The following FAM76B variants were observed in gnomAD, a reference collection of about 807,000 sequenced individuals.
FAM76B encodes protein FAM76B.
FAM76B carries 16 observed loss-of-function variants against 51.8 expected under a neutral mutation model. The ratio of observed to expected loss-of-function variants is 0.31; its 90% confidence interval spans 0.21 to 0.47. The LOEUF (loss-of-function observed/expected upper bound fraction) is 0.47. Among genes scored for constraint, FAM76B ranks in the 20% least tolerant of loss-of-function variants. The pLI is 1.00. For synonymous variants in FAM76B, 166 were observed against 129.5 expected, an observed-to-expected ratio of 1.28 and a Z score of -1.91; for missense variants, 342 against 392.6, an observed-to-expected ratio of 0.87 and a Z score of 1.09.
chr11:95,788,160 TTG>T (rs1860707143), intron 2 of FAM76B, among the ~76,000 whole-genome samples: 4 of 152,254 alleles, frequency 2.6e-5, no homozygotes, highest in Non-Finnish European at 4.4e-5. Context: ...TGGAAGGCAG[TTG>T]GTAACACTAC....
At chr11:95,780,281 A>G (rs995213274) in intron 5 of FAM76B, among the ~76,000 whole-genome samples, 11 of 151,900 alleles carry the variant, frequency 7.2e-5, no homozygotes, top group Non-Finnish European at 1.6e-4. Flanking sequence ...CAAAATTTGT[A>G]TCTTTAAAGT....
chr11:95,786,250 T>A lies in FAM76B; in HGVS notation c.232A>T (p.Ile78Leu), dbSNP rs1198661444. 6.2e-7 allele frequency: 1 copy of A among 1,614,154 alleles called. No homozygotes were observed. Among genetic ancestry groups the A allele is most frequent in the South Asian group, 1.1e-5 (1 of 91,082 alleles). ...GTPKPCQYCN[I>L]IAAFIGTKCQ... ...TTGGTACCAATAAATGCTGCAATTA[T>A]GTTACAGTACTGACAAGGCTTGGGC... Residue 78 changes from isoleucine to leucine, a missense_variant, in exon 4 of 10, where the codon ATA becomes TTA. Transcript: ENST00000358780.
At chr11:95,786,391 T>G in intron 3 of FAM76B, 117 bp from the exon 4 acceptor site, 1 of 1,252,810 alleles carries the variant, frequency 8.0e-7, no homozygotes, top group African/African-American at 1.5e-5. Context: ...AAAATTTGTT[T>G]TCTGTCAAGT....
intron 1 of FAM76B, 193 bp downstream of exon 1, chr11:95,789,199 C>T (rs1860822984): frequency 2.0e-6 from 2 of 977,554 alleles, no homozygotes; most frequent in East Asian, 2.6e-5. Context: ...ACGATTCTGC[C>T]TCCCTTTCAG....
In FAM76B at chr11:95,771,482, ACACAGAATTTAAGGGCTT is replaced by A; in HGVS notation, c.*61_*78del. On this transcript the variant is annotated 3_prime_UTR_variant, in exon 10 of 10. Coordinates refer to ENST00000358780, the MANE Select transcript of FAM76B (RefSeq NM_144664.5). ...TGGTGTGCAAAAATATTTTTCTACT[ACACAGAATTTAAGGGCTT>A]CACAGAATTTTTTTTCCCCAAATTT... The A allele has an allele frequency of 9.0e-7, 1 of 1,108,820 alleles. No individual in the cohort carries two copies. The highest frequency in any genetic ancestry group is 1.3e-6 in the Non-Finnish European group (1 of 750,172). 68.7% of individuals were successfully genotyped at this position (1,108,820 alleles called of 1,614,324 possible).
intron 1 of FAM76B, chr11:95,788,902 G>A (rs747380506): frequency 2.2e-6 from 3 of 1,358,126 alleles, no homozygotes; most frequent in South Asian, 1.2e-5. Flanking sequence ...GATGGGAGGA[G>A]CTCCAAATCA....
At chr11:95,788,139 G>T (rs1467572632) in intron 2 of FAM76B, among the ~76,000 whole-genome samples, 7 of 152,150 alleles carry the variant, frequency 4.6e-5, no homozygotes. Context: ...CAAATTATTA[G>T]ATTTTCACCT....
At chr11:95,779,461 A>C in intron 7 of FAM76B, 146 bp downstream of exon 7, 2 of 723,022 alleles carry the variant, frequency 2.8e-6, no homozygotes, top group Non-Finnish European at 4.2e-6. Context: ...TAAAAATTTT[A>C]AACTAATTTA....
chr11:95,789,176 C>G (rs1453405490), intron 1 of FAM76B: 18 of 1,070,610 alleles, frequency 1.7e-5, no homozygotes, highest in Non-Finnish European at 2.3e-5. Context: ...TCCTGGGCCG[C>G]CTGGAAAAGG....
intron 5 of FAM76B, among the ~76,000 whole-genome samples, chr11:95,782,041 A>G (rs1487562600): frequency 6.6e-6 from 1 of 152,224 alleles, no homozygotes; most frequent in Non-Finnish European, 1.5e-5. Context: ...AGAAAAATTT[A>G]AGAACAAACA....
chr11:95,780,079 T>G (rs997329895), intron 5 of FAM76B, among the ~76,000 whole-genome samples, 153 bp from the exon 6 acceptor site: 15 of 151,982 alleles, frequency 9.9e-5, no homozygotes, highest in Admixed American at 7.9e-4. Context: ...TAATACATAT[T>G]GAATAAATCA....
At chr11:95,775,818 A>G (rs1859978121) in intron 9 of FAM76B, 104 bp downstream of exon 9, 1 of 587,768 alleles carries the variant, frequency 1.7e-6, no homozygotes. Context: ...AAATGCACCA[A>G]CTATGCACAA....
chr11:95,784,744 T>C (rs914861841), intron 4 of FAM76B, among the ~76,000 whole-genome samples: 1 of 151,978 alleles, frequency 6.6e-6, no homozygotes, highest in Admixed American at 6.6e-5. Flanking sequence ...CCTGCCACCA[T>C]GCCCAGCTAA....
At chr11:95,788,637 TACCCAAC>T in intron 1 of FAM76B, 74 bp from the exon 2 acceptor site, 1 of 1,436,284 alleles carries the variant, frequency 7.0e-7, no homozygotes. Context: ...GAAAACTGTT[TACCCAAC>T]CTAGTGAAAG....
chr11:95,777,252 A>G (rs1277724059), intron 8 of FAM76B, among the ~76,000 whole-genome samples: 4 of 151,446 alleles, frequency 2.6e-5, no homozygotes, highest in African/African-American at 9.7e-5. Flanking sequence ...TTGCAAATGT[A>G]TAGTTATTTT....
chr11:95,779,474 T>G, intron 7 of FAM76B, 133 bp downstream of exon 7: 1 of 790,852 alleles, frequency 1.3e-6, no homozygotes, highest in Non-Finnish European at 1.9e-6. Context: ...CTAATTTATG[T>G]TTATTCTTCT....
Position 95,787,550 on chromosome 11 carries a change from A to G in FAM76B, c.207+74T>C, listed in dbSNP as rs1422728950. ...CCACTGTGCCCAGCCAGCAGTACAT[A>G]TTTTTTTAAAAGGTCCAGCTTTATG... On this transcript the variant is annotated intron_variant, in intron 3 of 9. Transcript: ENST00000358780. The G allele has an allele frequency of 4.1e-6, 6 of 1,465,796 alleles. No individual in the cohort carries two copies. In the African/African-American group the frequency reaches 5.6e-5, roughly 14 times the overall value. 90.8% of individuals were successfully genotyped at this position (1,465,796 alleles called of 1,614,324 possible).
At chr11:95,783,930 A>G (rs1249172781) in intron 4 of FAM76B, among the ~76,000 whole-genome samples, 1 of 152,204 alleles carries the variant, frequency 6.6e-6, no homozygotes, top group Non-Finnish European at 1.5e-5. Context: ...GTTTAGTGCC[A>G]TGTTTTTCAA....
At chr11:95,778,682 G>A (rs1477777227) in intron 8 of FAM76B, 140 bp downstream of exon 8, 10 of 1,071,028 alleles carry the variant, frequency 9.3e-6, no homozygotes, top group Non-Finnish European at 1.3e-5. Context: ...GATGGCTTCA[G>A]GGGCTTTTGT....
Sources: gnomAD v4.1 joint callset for allele counts (sites outside exome capture counted in the v4.1 genomes callset) on GRCh38, gnomAD v4.1.1 for gene constraint, MANE v1.5 for transcripts, NCBI Gene and HGNC (gene_info 2026-07-23, HGNC 2026-07-21) for gene names.